EPB41L3: variants seen among roughly 807,000 people sequenced by gnomAD.
The protein encoded by EPB41L3 is band 4.1-like protein 3.
In EPB41L3, 57 loss-of-function variants were observed where a neutral mutation model predicts 127.1. The ratio of observed to expected loss-of-function variants is 0.45; its 90% CI spans 0.36 to 0.56. The LOEUF (loss-of-function observed/expected upper bound fraction) is 0.56. EPB41L3 is among the 20% of genes least tolerant of loss of function. The pLI is 0.00. For missense variants in EPB41L3, 1,273 were observed against 1,372.2 expected (o/e 0.93, Z 1.14); for synonymous variants, 572 against 549.5 (o/e 1.04, Z -0.57).
intron 1 of EPB41L3, chr18:5,518,375 T>A (rs2092839137): frequency 1.3e-5 from 2 of 152,392 alleles, no homozygotes; most frequent in East Asian, 3.9e-4. Context: ...CAGGACAGTG[T>A]TCAAATGCAC....
chr18:5,501,310 T>TGA (rs1568436316), intron 1 of EPB41L3, among the ~76,000 whole-genome samples: 5 of 124,970 alleles, frequency 4.0e-5, no homozygotes, highest in Admixed American at 8.1e-5. Context: ...TGAATGAATG[T>TGA]ATCAGCTTCA....
intron 11 of EPB41L3, among the ~76,000 whole-genome samples, chr18:5,422,757 G>A (rs1394341211): frequency 6.6e-6 from 1 of 152,186 alleles, no homozygotes; most frequent in African/African-American, 2.4e-5. Flanking sequence ...TAAAAAGGTA[G>A]TTTGAATGAT....
At chr18:5,592,765 A>G (rs1313614085) in intron 3 of EPB41L3, among the ~76,000 whole-genome samples, 3 of 152,208 alleles carry the variant, frequency 2.0e-5, no homozygotes, top group Non-Finnish European at 4.4e-5. Flanking sequence ...CTCACTTCAC[A>G]TGGGTGTTAC....
chr18:5,529,928 A>ATGTGTGTGTGTGTG lies in EPB41L3; in HGVS notation c.-12+13971_-12+13984dup, dbSNP rs10611279. Reference sequence around the variant, plus strand: ...CACCAACCCCACCATCAACTCATATATGTGTGTGTGTGTGTGTGTGTGTGT... The same window carrying ATGTGTGTGTGTGTG: ...CACCAACCCCACCATCAACTCATATATGTGTGTGTGTGTGTGTGTGTGTGTGTGTGTGTGTGTGT... On this transcript the variant is annotated intron_variant, in intron 1 of 22. Transcript: ENST00000341928. Among the ~76,000 whole-genome samples the ATGTGTGTGTGTGTG allele has an allele frequency of 3.6e-3, 532 of 146,862 alleles. 1 individual carries two copies. Among genetic ancestry groups the ATGTGTGTGTGTGTG allele is most frequent in the East Asian group, 0.011 (52 of 4,934 alleles).
chr18:5,458,825 T>G (rs940469504), intron 3 of EPB41L3, among the ~76,000 whole-genome samples: 3 of 152,202 alleles, frequency 2.0e-5, no homozygotes, highest in African/African-American at 7.2e-5. Context: ...TGGGCACGTA[T>G]TTTGCTTTGA....
chr18:5,530,587 A>T (rs112130347), intron 1 of EPB41L3, among the ~76,000 whole-genome samples: 4,283 of 152,038 alleles, frequency 0.028, 182 homozygotes, highest in African/African-American at 0.098. Flanking sequence ...CTCGTCAGCC[A>T]CACGAATGTC....
chr18:5,508,817 T>C (rs1004385221), intron 1 of EPB41L3, among the ~76,000 whole-genome samples: 5 of 149,864 alleles, frequency 3.3e-5, no homozygotes, highest in African/African-American at 4.9e-5. Flanking sequence ...AGCTATTTGA[T>C]GTGTCCATTA....
At chr18:5,453,929 T>C (rs147051294) in intron 3 of EPB41L3, among the ~76,000 whole-genome samples, 31 of 152,186 alleles carry the variant, frequency 2.0e-4, no homozygotes, top group Non-Finnish European at 1.6e-4. Context: ...CTAATTGCAT[T>C]TTTCCTCACT....
rs1323680458 is a variant in EPB41L3 at position 5,531,939 on chromosome 18, A to T, written c.-12+11974T>A. Among the ~76,000 whole-genome samples, 6 of 152,166 alleles carry T rather than the reference A, an allele frequency of 3.9e-5. No homozygotes were observed. The East Asian group carries it at 1.2e-3, about 29-fold the overall frequency. On this transcript the variant is annotated intron_variant, in intron 1 of 22. Coordinates refer to ENST00000341928, the MANE Select transcript of EPB41L3 (RefSeq NM_012307.5). The stretch of plus-strand genomic sequence containing the variant: ...GTGTATTTTAAGTCAAAACACTATT[A>T]CAAGGAAAGGCAAGGTACAAGAAAA...
intron 3 of EPB41L3, among the ~76,000 whole-genome samples, chr18:5,570,512 T>C (rs2094263524): frequency 6.6e-6 from 1 of 152,230 alleles, no homozygotes; most frequent in African/African-American, 2.4e-5. Flanking sequence ...ATAAAAACTG[T>C]GTTTAAATTT....
At chr18:5,440,796 T>C (rs1019313684) in intron 5 of EPB41L3, among the ~76,000 whole-genome samples, 1 of 152,222 alleles carries the variant, frequency 6.6e-6, no homozygotes, top group African/African-American at 2.4e-5. Context: ...TCACAAAATA[T>C]AGTCTATTTA....
rs200496501 is a variant in EPB41L3, at chr18:5,397,093, T to C, written c.2806A>G (p.Ile936Val). Residue 936 changes from isoleucine to valine, a missense_variant, in exon 18 of 23, where the codon ATT (isoleucine) becomes GTT (valine). Ile to Val is a conservative substitution (Grantham distance 29). Around this residue, in one of 3 missense-constraint regions of EPB41L3, gnomAD observed 765 missense variants for 782.9 expected, o/e 0.98. Transcript: ENST00000341928. This position sits in a 1 kb window ranked among gnomAD's most constrained non-coding sequence, Gnocchi z 4.1. ...RQEEQSAAIH[I>V]SETLEQKPHF... Reference sequence around the variant, plus strand: ...GGTTTTTGTTCCAAAGTTTCTGAAATGTGGATGGCTGCACTCTGCTCCTCT... The same window carrying C: ...GGTTTTTGTTCCAAAGTTTCTGAAACGTGGATGGCTGCACTCTGCTCCTCT... 1.2e-4 allele frequency: 196 copies of C among 1,605,982 alleles called. No homozygotes were observed. The highest frequency in any genetic ancestry group is 2.8e-4 in the Admixed American group (16 of 57,878).
At chr18:5,407,608 T>C (rs1463883159) in intron 15 of EPB41L3, 93 bp downstream of exon 15, 3 of 1,330,896 alleles carry the variant, frequency 2.3e-6, no homozygotes, top group African/African-American at 2.9e-5. Flanking sequence ...CTACAGAGCA[T>C]GCTGAAAGAT....
At chr18:5,405,327 C>CCA (rs2075192437) in intron 16 of EPB41L3, among the ~76,000 whole-genome samples, 1 of 152,190 alleles carries the variant, frequency 6.6e-6, no homozygotes, top group South Asian at 2.1e-4. Context: ...GATATTTCCC[C>CCA]ATAAAGTGGT....
At chr18:5,506,979 A>C (rs2092250858) in intron 1 of EPB41L3, among the ~76,000 whole-genome samples, 1 of 152,198 alleles carries the variant, frequency 6.6e-6, no homozygotes, top group Non-Finnish European at 1.5e-5. Context: ...CCTAGTGAAA[A>C]GTGCATAGTC....
intron 1 of EPB41L3, among the ~76,000 whole-genome samples, chr18:5,624,953 AG>A (rs1446043773): frequency 6.6e-6 from 1 of 152,158 alleles, no homozygotes; most frequent in Admixed American, 6.5e-5. Flanking sequence ...AGGTGAAGAA[AG>A]GGGAGGAAGG....
intron 4 of EPB41L3, among the ~76,000 whole-genome samples, chr18:5,444,909 G>T (rs2081274078): frequency 6.6e-6 from 1 of 152,016 alleles, no homozygotes; most frequent in Non-Finnish European, 1.5e-5. Context: ...ATTCAAGCAT[G>T]AAAAACAAGG....
At chr18:5,537,343 T>TA (rs2093604207) in intron 1 of EPB41L3, among the ~76,000 whole-genome samples, 1 of 152,154 alleles carries the variant, frequency 6.6e-6, no homozygotes, top group South Asian at 2.1e-4. Flanking sequence ...TTTTCTACCT[T>TA]AAACAATCCA....
At chr18:5,520,821 G>C (rs1431062132) in intron 1 of EPB41L3, among the ~76,000 whole-genome samples, 1 of 152,172 alleles carries the variant, frequency 6.6e-6, no homozygotes, top group Non-Finnish European at 1.5e-5. Context: ...GTAAATGGAA[G>C]CACTGAATAA....
Sources: gnomAD v4.1 joint callset for allele counts (sites outside exome capture counted in the v4.1 genomes callset) on GRCh38, gnomAD v4.1.1 for gene constraint, gnomAD v4.1.1 regional missense constraint, Gnocchi (gnomAD v3.1) non-coding constraint, MANE v1.5 for transcripts, NCBI Gene and HGNC (gene_info 2026-07-23, HGNC 2026-07-21) for gene names.